SEC63: variants seen among roughly 807,000 people sequenced by gnomAD.
SEC63 encodes the protein SEC63 protein translocation regulator, also known as translocation protein SEC63 homolog.
In SEC63, 56 loss-of-function variants were observed where a neutral mutation model predicts 116.2. That is an observed-to-expected ratio of 0.48 (90% CI 0.39 to 0.60). The LOEUF is 0.60. Among genes scored for constraint, SEC63 ranks in the 20% least tolerant of loss-of-function variants. The pLI is 0.00. For synonymous variants in SEC63, 273 were observed against 294.6 expected (o/e 0.93, Z 0.75); for missense variants, 668 against 900.0 (o/e 0.74, Z 3.30).
At chr6:107,897,296 A>C (rs1429038155) in intron 14 of SEC63, among the ~76,000 whole-genome samples, 1 of 152,234 alleles carries the variant, frequency 6.6e-6, no homozygotes, top group Non-Finnish European at 1.5e-5. Flanking sequence ...TTTGAAATGA[A>C]AAATAAAAGT....
chr6:107,915,478 A>G (rs1426141679), intron 4 of SEC63, among the ~76,000 whole-genome samples: 1 of 152,162 alleles, frequency 6.6e-6, no homozygotes, highest in Non-Finnish European at 1.5e-5. Flanking sequence ...TTTTATAAAA[A>G]TTAACATATC....
chr6:107,921,078 T>C (rs967521434), intron 4 of SEC63, among the ~76,000 whole-genome samples: 7 of 152,044 alleles, frequency 4.6e-5, no homozygotes, highest in Non-Finnish European at 7.4e-5. Flanking sequence ...TGTGACGAAA[T>C]TCTAAAAAGA....
intron 1 of SEC63, among the ~76,000 whole-genome samples, chr6:107,945,861 T>C (rs1770471143): frequency 6.6e-6 from 1 of 152,178 alleles, no homozygotes; most frequent in South Asian, 2.1e-4. Flanking sequence ...CAAGCAGATA[T>C]GCAACAAGAT....
intron 16 of SEC63, among the ~76,000 whole-genome samples, chr6:107,887,591 A>C: frequency 6.7e-6 from 1 of 149,398 alleles, no homozygotes. Context: ...CACTCTGGGG[A>C]CTGTTGTGGG....
At chr6:107,884,095 C>CA (rs1002182500) in intron 16 of SEC63, among the ~76,000 whole-genome samples, 1 of 74,494 alleles carries the variant, frequency 1.3e-5, no homozygotes, top group African/African-American at 3.6e-5. Context: ...ACTAAAAATA[C>CA]AAAAAACAAA....
intron 10 of SEC63, 89 bp downstream of exon 10, chr6:107,906,359 C>A (rs574532950): frequency 1.4e-6 from 2 of 1,396,236 alleles, no homozygotes; most frequent in East Asian, 2.3e-5. Flanking sequence ...TAGAGCAATG[C>A]GAGAACAAAC....
chr6:107,934,134 C>T (rs1160582254), intron 1 of SEC63, among the ~76,000 whole-genome samples: 3 of 152,162 alleles, frequency 2.0e-5, no homozygotes, highest in African/African-American at 4.8e-5. Context: ...GCCTCTGCCC[C>T]GCCGCCACCC....
At chr6:107,918,904 C>A (rs2744221) in intron 4 of SEC63, among the ~76,000 whole-genome samples, 1 of 54,736 alleles carries the variant, frequency 1.8e-5, no homozygotes, top group East Asian at 5.5e-4. Flanking sequence ...AGCTGATTTC[C>A]TTTTTTTTTT....
chr6:107,949,487 TA>T (rs1770538778), intron 1 of SEC63, among the ~76,000 whole-genome samples: 1 of 150,646 alleles, frequency 6.6e-6, no homozygotes, highest in Admixed American at 6.6e-5. Context: ...AAAAATAAAA[TA>T]AAATAAAAAT....
intron 1 of SEC63, among the ~76,000 whole-genome samples, chr6:107,934,691 G>C (rs1247267244): frequency 1.6e-5 from 1 of 62,882 alleles, no homozygotes; most frequent in East Asian, 4.1e-4. Flanking sequence ...CCCCCTGCCC[G>C]GCCAGCCGCC....
chr6:107,871,961 A>T, intron 20 of SEC63, 114 bp from the exon 21 acceptor site: 2 of 1,007,210 alleles, frequency 2.0e-6, no homozygotes, highest in Non-Finnish European at 3.0e-6. Flanking sequence ...ATAGTTTTTT[A>T]TGGACACAAT....
intron 1 of SEC63, among the ~76,000 whole-genome samples, chr6:107,950,088 G>A (rs773209007): frequency 6.6e-6 from 1 of 152,134 alleles, no homozygotes; most frequent in Non-Finnish European, 1.5e-5. Context: ...AAGGTGAAAG[G>A]ATGGAAAAAA....
chr6:107,948,180 A>G (rs1471694878), intron 1 of SEC63, among the ~76,000 whole-genome samples: 1 of 152,028 alleles, frequency 6.6e-6, no homozygotes, highest in African/African-American at 2.4e-5. Context: ...ACTCCTTCCT[A>G]TGTGCTCCCA....
In SEC63 at chr6:107,916,457, ATAAG is replaced by A. The variant is rs762983251; in HGVS notation, c.453-3034_453-3031del. Among the ~76,000 whole-genome samples, 7 of 152,382 alleles carry A rather than the reference ATAAG, an allele frequency of 4.6e-5. No individual in the cohort carries two copies. The East Asian group carries it at 7.7e-4, about 17-fold the overall frequency. On this transcript the variant is annotated intron_variant, in intron 4 of 20. Coordinates refer to ENST00000369002, the MANE Select transcript of SEC63 (RefSeq NM_007214.5). ...TCAATATCCTCTACTAAGTACAAAA[ATAAG>A]TAAGGTGATATCTCCCAAACTTCTG...
rs759173834 is a variant in SEC63 at position 107,904,616 on chromosome 6, A to G, written c.1054+13T>C. The G allele has an allele frequency of 6.3e-7, 1 of 1,578,186 alleles. No homozygotes were observed. The highest frequency in any genetic ancestry group is 8.7e-7 in the Non-Finnish European group (1 of 1,147,414). ...GAAAAAGTATAACATAATTAACTAT[A>G]TTTCCTCCTCACCTTCACGGTTCCG... On this transcript the variant is annotated intron_variant, in intron 11 of 20. Coordinates refer to ENST00000369002, the MANE Select transcript of SEC63 (RefSeq NM_007214.5).
intron 4 of SEC63, among the ~76,000 whole-genome samples, chr6:107,916,517 T>C (rs1297565881): frequency 6.6e-6 from 1 of 152,256 alleles, no homozygotes; most frequent in Non-Finnish European, 1.5e-5. Flanking sequence ...CAATTTGCTA[T>C]TATAACTTAG....
At chr6:107,875,919 T>C (rs1164950069) in intron 19 of SEC63, among the ~76,000 whole-genome samples, 1 of 152,284 alleles carries the variant, frequency 6.6e-6, no homozygotes, top group Admixed American at 6.5e-5. Context: ...AAATTTATTA[T>C]TAACCTATTT....
intron 3 of SEC63, among the ~76,000 whole-genome samples, chr6:107,922,279 G>A (rs556744782): frequency 1.2e-4 from 19 of 152,296 alleles, no homozygotes; most frequent in Admixed American, 5.2e-4. Flanking sequence ...CAAGGTGGGC[G>A]GATCACCTGA....
In SEC63 at chr6:107,900,283, AC is replaced by A. The variant is rs1193756020; in HGVS notation, c.1357+1086del. On this transcript the variant is annotated intron_variant, in intron 13 of 20. Coordinates refer to ENST00000369002, the MANE Select transcript of SEC63 (RefSeq NM_007214.5). ...CCAAAGTGTTGGGATTAAAGGCATG[AC>A]ACCACTGGGCCCAGCCCTTATCTTA... is the stretch of plus-strand genomic sequence containing the variant. Among the ~76,000 whole-genome samples the A allele has an allele frequency of 2.0e-5, 3 of 152,190 alleles. No individual in the cohort carries two copies. The East Asian group carries it at 5.8e-4, about 30-fold the overall frequency.
Sources: gnomAD v4.1 joint callset for allele counts (sites outside exome capture counted in the v4.1 genomes callset) on GRCh38, gnomAD v4.1.1 for gene constraint, MANE v1.5 for transcripts, NCBI Gene and HGNC (gene_info 2026-07-23, HGNC 2026-07-21) for gene names.